The following KCNAB2 variants were observed in gnomAD, a reference collection of about 807,000 sequenced individuals.
KCNAB2 encodes the protein potassium voltage-gated channel subfamily A regulatory beta subunit 2, also known as voltage-gated potassium channel subunit beta-2.
Under a neutral mutation model 63.6 loss-of-function variants are expected in KCNAB2, and 29 were observed. That is an observed-to-expected ratio of 0.46 (90% confidence interval 0.34 to 0.62). KCNAB2 has a LOEUF of 0.62. Ranked by LOEUF, KCNAB2 falls within the 20% of genes least tolerant of loss-of-function variation. KCNAB2 has a pLI of 0.01. For synonymous variants in KCNAB2, 222 were observed against 224.2 expected, an observed-to-expected ratio of 0.99 and a Z score of 0.09; for missense variants, 359 against 563.9, an observed-to-expected ratio of 0.64 and a Z score of 3.68.
chr1:6,072,953 C>T (rs1266503454), intron 3 of KCNAB2, among the ~76,000 whole-genome samples, 155 bp downstream of exon 3: 1 of 150,288 alleles, frequency 6.7e-6, no homozygotes, highest in African/African-American at 2.4e-5. Flanking sequence ...CAGGGGGGCT[C>T]GGTTGCCATG....
At chr1:6,000,716 C>G (rs72859196) in intron 1 of KCNAB2, among the ~76,000 whole-genome samples, 4,189 of 151,798 alleles carry the variant, frequency 0.028, 195 homozygotes, top group African/African-American at 0.095. Context: ...TTACATGAAG[C>G]CTATAGGCCG....
In KCNAB2 at chr1:5,994,432, G is replaced by A. The variant is rs150465921; in HGVS notation, c.-53+1644G>A. ...CTCCAGGTCCTGTCATTGTCTCCACGGCCACACTCGGCCTCAGTGGCACTG... is the reference window on the plus strand; with the variant it reads ...CTCCAGGTCCTGTCATTGTCTCCACAGCCACACTCGGCCTCAGTGGCACTG... On this transcript the variant is annotated intron_variant, in intron 1 of 16. Transcript: ENST00000341524. The surrounding 1 kb of genome is among the most constrained non-coding windows in gnomAD (Gnocchi z 5.4). Among the ~76,000 whole-genome samples, 226 of 152,260 alleles carry A rather than the reference G, an allele frequency of 1.5e-3. No homozygotes were observed. Among genetic ancestry groups the A allele is most frequent in the Middle Eastern group, 3.4e-3 (1 of 294 alleles).
chr1:6,003,145 G>C lies in KCNAB2; in HGVS notation c.-53+10357G>C, dbSNP rs952350011. Among the ~76,000 whole-genome samples, 10 of 152,218 alleles carry C rather than the reference G, an allele frequency of 6.6e-5. No homozygotes were observed. In the East Asian group the frequency reaches 1.4e-3, roughly 21 times the overall value. On this transcript the variant is annotated intron_variant, in intron 1 of 16. Coordinates refer to the KCNAB2 transcript ENST00000341524. This position sits in a 1 kb window ranked among gnomAD's most constrained non-coding sequence, Gnocchi z 4.1. ...CCTCGCTCCTGAGCCACAGTCACCA[G>C]GGTGCCAGGTAAAGGGAAACCACAT...
chr1:6,041,905 G>T (rs374248043), upstream of KCNAB2: 10 of 1,608,076 alleles, frequency 6.2e-6, no homozygotes, highest in Admixed American at 1.7e-5. Flanking sequence ...AAAACCCAGC[G>T]AGCCGAAGGC....
chr1:6,088,880 G>T (rs1330701186), intron 7 of KCNAB2, 128 bp from the exon 8 acceptor site: 10 of 877,820 alleles, frequency 1.1e-5, no homozygotes, highest in Non-Finnish European at 1.6e-5. Flanking sequence ...CCCCAAAGTG[G>T]AATCCGACTC....
intron 1 of KCNAB2, among the ~76,000 whole-genome samples, chr1:5,993,075 G>A (rs1489757218): frequency 9.7e-6 from 1 of 102,972 alleles, no homozygotes; most frequent in African/African-American, 3.7e-5. Flanking sequence ...CCCTGCCGCC[G>A]TCCCTCTTCC....
In KCNAB2 at chr1:6,086,854, C is replaced by T. The variant is rs1664743933; in HGVS notation, c.426-613C>T. Among the ~76,000 whole-genome samples, 1 of 152,222 alleles carries T rather than the reference C, an allele frequency of 6.6e-6. No homozygotes were observed. The highest frequency in any genetic ancestry group is 2.4e-5 in the African/African-American group (1 of 41,522). On this transcript the variant is annotated intron_variant, in intron 6 of 15. Coordinates refer to ENST00000378083, the MANE Select transcript of KCNAB2 (RefSeq NM_001199862.2). This position sits in a 1 kb window ranked among gnomAD's most constrained non-coding sequence, Gnocchi z 4.2. ...CTCCCCTCCCTCCTTTGGTGCCCCC[C>T]AAGTTACCCCGACCAGGCCGTCCTT...
In KCNAB2 at chr1:6,091,302, T is replaced by C. The variant is rs989465223; in HGVS notation, c.641T>C (p.Ile214Thr). Residue 214 changes from isoleucine (I) to threonine (T), a missense_variant, in exon 10 of 16, where the codon ATA becomes ACA. Around this residue, in one of 2 missense-constraint regions of KCNAB2, gnomAD observed 271 missense variants for 476.1 expected, o/e 0.57. Coordinates refer to ENST00000378083, the MANE Select transcript of KCNAB2 (RefSeq NM_001199862.2). The part of the protein sequence containing the change: ...FSSSKSRTFI[I>T]EETVRAMTHV... ...TCCTCCAAGTCAAGGACATTCATCA[T>C]AGAAGGTACACAGTGCCCCCAGCCT... The C allele has an allele frequency of 3.3e-6, 5 of 1,531,980 alleles. 1 individual carries two copies. Among genetic ancestry groups the C allele is most frequent in the East Asian group, 2.4e-5 (1 of 40,888 alleles). The allele number at this position is 1,531,980 out of a possible 1,614,324, so 94.9% of individuals were successfully genotyped here.
In KCNAB2 at chr1:6,074,481, G is replaced by T. The variant is rs1338366062; in HGVS notation, c.300+711G>T. ...AGTGGCATTTGCTCAGACAGCTCTG[G>T]GCATCTGCACAAGAAGCAGTTTTCA... On this transcript the variant is annotated intron_variant, in intron 4 of 15. Transcript: ENST00000378083. This position sits in a 1 kb window ranked among gnomAD's most constrained non-coding sequence, Gnocchi z 4.9. Among the ~76,000 whole-genome samples, 1 of 152,176 alleles carries T rather than the reference G, an allele frequency of 6.6e-6. No homozygotes were observed. The highest frequency in any genetic ancestry group is 1.5e-5 in the Non-Finnish European group (1 of 68,042).
At chr1:6,067,478 A>G (rs543137758) in intron 2 of KCNAB2, among the ~76,000 whole-genome samples, 1 of 152,246 alleles carries the variant, frequency 6.6e-6, no homozygotes, top group East Asian at 1.9e-4. Context: ...CTACAAAACC[A>G]ATGCCTGAGA....
At position 6,028,041 on chromosome 1, in the gene KCNAB2, G is replaced by A. The variant is rs1441464836; in HGVS notation, c.-52-12476G>A. Among the ~76,000 whole-genome samples the A allele has an allele frequency of 1.3e-5, 2 of 152,242 alleles. No individual in the cohort carries two copies. Among genetic ancestry groups the A allele is most frequent in the East Asian group, 3.8e-4 (2 of 5,202 alleles). ...TCCCAACCCCTGCCCACCCTCTGGGGTGTCCTTCTGACAAATGGGCCTTTC... is the reference window on the plus strand; with the variant it reads ...TCCCAACCCCTGCCCACCCTCTGGGATGTCCTTCTGACAAATGGGCCTTTC... On this transcript the variant is annotated intron_variant, in intron 1 of 16. Transcript: ENST00000341524. This position sits in a 1 kb window ranked among gnomAD's most constrained non-coding sequence, Gnocchi z 4.0.
At chr1:6,052,481 T>C (rs1661475369) in intron 2 of KCNAB2, among the ~76,000 whole-genome samples, 1 of 151,722 alleles carries the variant, frequency 6.6e-6, no homozygotes, top group South Asian at 2.1e-4. Flanking sequence ...TGTGTGGGTG[T>C]GTTTCTCCAT....
At chr1:6,031,157 TCCTTGACTCCTGGGCTCAGTCCTGA>T (rs972758162), upstream of KCNAB2, among the ~76,000 whole-genome samples, 1 of 152,190 alleles carries the variant, frequency 6.6e-6, no homozygotes, top group African/African-American at 2.4e-5. The surrounding 1 kb of genome is among the most constrained non-coding windows in gnomAD (Gnocchi z 4.1). Flanking sequence ...TGTGTCTCTG[TCCTTGACTCCTGGGCTCAGTCCTGA>T]CCTTTCCTTG....
intron 1 of KCNAB2, among the ~76,000 whole-genome samples, chr1:6,005,704 C>T (rs954333579): frequency 1.3e-4 from 20 of 152,042 alleles, no homozygotes; most frequent in African/African-American, 3.1e-4. Flanking sequence ...CTTTTCCCAG[C>T]GGTCACTGTG....
chr1:5,994,279 G>C lies in KCNAB2; in HGVS notation c.-53+1491G>C, dbSNP rs1656791105. Among the ~76,000 whole-genome samples the C allele has an allele frequency of 6.6e-6, 1 of 152,220 alleles. No individual in the cohort carries two copies. ...CCCGCGTTGCAGGTTGCAGGGTTTG[G>C]GGACCTACGTGTGGAGAGTCACATC... On this transcript the variant is annotated intron_variant, in intron 1 of 16. Coordinates refer to the KCNAB2 transcript ENST00000341524. This position sits in a 1 kb window ranked among gnomAD's most constrained non-coding sequence, Gnocchi z 5.4.
intron 4 of KCNAB2, among the ~76,000 whole-genome samples, chr1:6,077,456 A>T (rs760240043): frequency 2.0e-5 from 3 of 152,118 alleles, no homozygotes; most frequent in Non-Finnish European, 4.4e-5. Flanking sequence ...GCCACCCTGG[A>T]TGTAGCTGGA....
chr1:6,088,154 G>A (rs113774309), intron 7 of KCNAB2, among the ~76,000 whole-genome samples: 18 of 151,614 alleles, frequency 1.2e-4, no homozygotes, highest in African/African-American at 4.4e-4. Context: ...CAAACTCCTG[G>A]GCTCGAGCGA....
At chr1:6,004,601 C>T (rs947662929) in intron 1 of KCNAB2, among the ~76,000 whole-genome samples, 11 of 150,546 alleles carry the variant, frequency 7.3e-5, no homozygotes, top group South Asian at 2.2e-4. Flanking sequence ...CTGCCCCCAT[C>T]GCCACATGGC....
intron 1 of KCNAB2, among the ~76,000 whole-genome samples, chr1:6,027,713 G>A (rs922732664): frequency 4.6e-5 from 7 of 152,128 alleles, no homozygotes; most frequent in South Asian, 2.1e-4. Flanking sequence ...TTAATGAGGC[G>A]TTGATGTGAT....
Sources: allele counts gnomAD v4.1 joint callset (sites outside exome capture counted in the v4.1 genomes callset), GRCh38; gene constraint gnomAD v4.1.1; regional missense constraint gnomAD v4.1.1; non-coding constraint Gnocchi (gnomAD v3.1); transcripts MANE v1.5; gene names NCBI Gene and HGNC (gene_info 2026-07-23, HGNC 2026-07-21).